The following GATAD2A variants were observed in gnomAD, a reference collection of about 807,000 sequenced individuals.
GATAD2A encodes GATA zinc finger domain containing 2A, also known as transcriptional repressor p66-alpha.
Under a neutral mutation model 68.5 loss-of-function variants are expected in GATAD2A, and 12 were observed. The ratio of observed to expected loss-of-function variants is 0.18; its 90% CI spans 0.11 to 0.28. The LOEUF is 0.28. GATAD2A is among the 10% of genes least tolerant of loss of function. The pLI is 1.00. For synonymous variants in GATAD2A, 410 were observed against 375.3 expected (o/e 1.09, Z -1.07); for missense variants, 755 against 868.5 (o/e 0.87, Z 1.64).
At chr19:19,451,159 G>C (rs182049646) in intron 1 of GATAD2A, among the ~76,000 whole-genome samples, 435 of 151,450 alleles carry the variant, frequency 2.9e-3, no homozygotes, top group Non-Finnish European at 4.4e-3. Flanking sequence ...CGGATCATGA[G>C]ATCAGGAGAT....
In GATAD2A at chr19:19,465,404, C is replaced by G. The variant is rs750157569; in HGVS notation, c.59C>G (p.Thr20Arg). ...SQKRALERDP[T>R]EDDVESKKIK... ...AAACGAGCGCTTGAACGGGACCCAA[C>G]AGAGGACGATGTGGAGAGCAAGAAA... The change falls in exon 2 of 12, where the codon ACA becomes AGA. Residue 20 changes from threonine (T) to arginine (R), a missense_variant. Transcript: ENST00000683918. The G allele has an allele frequency of 6.2e-7, 1 of 1,613,922 alleles. No individual in the cohort carries two copies. Among genetic ancestry groups the G allele is most frequent in the East Asian group, 2.2e-5 (1 of 44,892 alleles).
At chr19:19,498,743 C>T (rs767237726) in intron 8 of GATAD2A, 21 bp downstream of exon 8, 33 of 1,585,428 alleles carry the variant, frequency 2.1e-5, no homozygotes, top group Middle Eastern at 1.7e-4. Context: ...TGGACCCAGC[C>T]GGGCTGCTTC....
intron 1 of GATAD2A, among the ~76,000 whole-genome samples, chr19:19,430,848 A>G (rs2053641218): frequency 6.6e-6 from 1 of 152,198 alleles, no homozygotes; most frequent in African/African-American, 2.4e-5. Flanking sequence ...TAAAATGGCA[A>G]GAAAGGACTT....
intron 1 of GATAD2A, among the ~76,000 whole-genome samples, chr19:19,433,631 T>C (rs2053989593): frequency 6.6e-6 from 1 of 152,254 alleles, no homozygotes; most frequent in African/African-American, 2.4e-5. Flanking sequence ...CAAGTGAGGC[T>C]ATTGTGATTG....
chr19:19,456,167 AAAAAG>A (rs1362313394), intron 1 of GATAD2A, among the ~76,000 whole-genome samples: 6,961 of 150,958 alleles, frequency 0.046, 554 homozygotes, highest in African/African-American at 0.16. Flanking sequence ...AAAAAAAAAA[AAAAAG>A]AGAGAAAAAG....
At position 19,460,182 on chromosome 19, in the gene GATAD2A, A is replaced by T. The variant is rs146515381; in HGVS notation, c.-6-5158A>T. Among the ~76,000 whole-genome samples, 276 of 152,332 alleles carry T rather than the reference A, an allele frequency of 1.8e-3. 1 individual carries two copies. Among genetic ancestry groups the T allele is most frequent in the African/African-American group, 6.2e-3 (256 of 41,578 alleles). ...TTGACTCTTAGGAAGTGGGAGAGCC[A>T]CTGAAGGGGGTACAGATCCAGGATG... is the stretch of plus-strand genomic sequence containing the variant. On this transcript the variant is annotated intron_variant, in intron 1 of 11. Transcript: ENST00000683918.
chr19:19,482,703 C>G (rs947950703), intron 2 of GATAD2A, among the ~76,000 whole-genome samples: 1 of 152,208 alleles, frequency 6.6e-6, no homozygotes, highest in East Asian at 1.9e-4. Flanking sequence ...GAATGGCCAT[C>G]ATAAAGGCTC....
chr19:19,427,349 A>T (rs926395687), intron 1 of GATAD2A, among the ~76,000 whole-genome samples: 7 of 151,240 alleles, frequency 4.6e-5, no homozygotes, highest in Admixed American at 4.0e-4. Flanking sequence ...CTATACCTTT[A>T]TGACAACATG....
chr19:19,463,925 C>T (rs2057668827), intron 1 of GATAD2A, among the ~76,000 whole-genome samples: 1 of 152,194 alleles, frequency 6.6e-6, no homozygotes, highest in Non-Finnish European at 1.5e-5. Flanking sequence ...CATGAGGGGG[C>T]ACATTTGGGC....
At chr19:19,416,158 T>A (rs1477712916) in intron 1 of GATAD2A, among the ~76,000 whole-genome samples, 1 of 152,150 alleles carries the variant, frequency 6.6e-6, no homozygotes, top group African/African-American at 2.4e-5. Context: ...CTTCAAGTGA[T>A]ATGTGGGTGA....
rs924869729 is a variant in GATAD2A, at chr19:19,501,145, T to A, written c.1232T>A (p.Leu411Gln). The A allele has an allele frequency of 3.7e-6, 6 of 1,612,372 alleles. No homozygotes were observed. Among genetic ancestry groups the A allele is most frequent in the Non-Finnish European group, 5.1e-6 (6 of 1,179,276 alleles). Residue 411 changes from leucine to glutamine, a missense_variant, in exon 9 of 12, where the codon CTG becomes CAG. Physicochemically the swap from Leu to Gln is moderately radical, Grantham distance 113. Transcript: ENST00000683918. ...GGCAGGATGTCGGCCGCCACTGTGC[T>A]GTCCCGGGAGCCCTACATGTGTGCA... ...QAGRMSAATV[L>Q]SREPYMCAQC...
At chr19:19,415,043 G>A (rs922494401) in intron 1 of GATAD2A, among the ~76,000 whole-genome samples, 12 of 151,394 alleles carry the variant, frequency 7.9e-5, no homozygotes, top group African/African-American at 2.7e-4. Flanking sequence ...CTTGAGGCTA[G>A]GAGTTTGAGA....
chr19:19,430,852 A>G (rs757425019), intron 1 of GATAD2A, among the ~76,000 whole-genome samples: 8 of 152,178 alleles, frequency 5.3e-5, no homozygotes, highest in Admixed American at 2.0e-4. Flanking sequence ...ATGGCAAGAA[A>G]GGACTTCTGT....
At chr19:19,471,641 G>A (rs1468932150) in intron 2 of GATAD2A, among the ~76,000 whole-genome samples, 2 of 152,148 alleles carry the variant, frequency 1.3e-5, no homozygotes, top group East Asian at 1.9e-4. Flanking sequence ...GTACTCTTAC[G>A]GTGGCTGAAT....
intron 7 of GATAD2A, among the ~76,000 whole-genome samples, chr19:19,496,853 GT>G (rs769618143): frequency 5.9e-4 from 90 of 152,300 alleles, no homozygotes; most frequent in Non-Finnish European, 1.1e-3. Context: ...AGGGGCTTTT[GT>G]TGGTGGGCGT....
At chr19:19,471,328 A>C (rs1169757558) in intron 2 of GATAD2A, among the ~76,000 whole-genome samples, 5 of 151,956 alleles carry the variant, frequency 3.3e-5, no homozygotes, top group Non-Finnish European at 7.4e-5. Flanking sequence ...TATATACCAG[A>C]TTACTGTTCA....
intron 11 of GATAD2A, among the ~76,000 whole-genome samples, chr19:19,503,502 C>T (rs1430999915): frequency 6.6e-6 from 1 of 152,232 alleles, no homozygotes; most frequent in Non-Finnish European, 1.5e-5. Flanking sequence ...GCCAGCCAGA[C>T]GTTCTGCTCA....
chr19:19,443,502 T>G (rs1207722632), intron 1 of GATAD2A, among the ~76,000 whole-genome samples: 2 of 152,208 alleles, frequency 1.3e-5, no homozygotes, highest in Non-Finnish European at 2.9e-5. Flanking sequence ...CATAGTGTTG[T>G]GGTCATGCTT....
intron 2 of GATAD2A, among the ~76,000 whole-genome samples, chr19:19,482,120 T>C (rs1212097771): frequency 2.0e-5 from 3 of 149,960 alleles, no homozygotes; most frequent in South Asian, 4.2e-4. Flanking sequence ...AAAAATAAAA[T>C]ATGACCGAGC....
Sources: allele counts gnomAD v4.1 joint callset (sites outside exome capture counted in the v4.1 genomes callset), GRCh38; gene constraint gnomAD v4.1.1; transcripts MANE v1.5; gene names NCBI Gene and HGNC (gene_info 2026-07-23, HGNC 2026-07-21).